The following CORIN variants were observed in gnomAD, a reference collection of about 807,000 sequenced individuals.
CORIN encodes the protein corin, serine peptidase, also known as atrial natriuretic peptide-converting enzyme.
CORIN carries 117 observed loss-of-function variants against 125.3 expected under a neutral mutation model. The observed-to-expected ratio is 0.93, with a 90% confidence interval of 0.80 to 1.09. The LOEUF is 1.09. Among genes scored for constraint, CORIN ranks in the 50% least tolerant of loss-of-function variants. The probability of loss-of-function intolerance (pLI) is 0.00; values close to 1 mark genes in which losing one functional copy is unlikely to be tolerated. For missense variants in CORIN, 1,253 were observed against 1,306.7 expected, an observed-to-expected ratio of 0.96 and a Z score of 0.63; for synonymous variants, 450 against 466.4, an observed-to-expected ratio of 0.96 and a Z score of 0.45.
At chr4:47,682,433 C>T (rs1725330736) in intron 7 of CORIN, 1 of 111,276 alleles carries the variant, frequency 9.0e-6, no homozygotes. Flanking sequence ...TGGAGCAAGA[C>T]TCCATCTCAA....
intron 4 of CORIN, among the ~76,000 whole-genome samples, chr4:47,760,524 T>C (rs1729399206): frequency 1.3e-5 from 2 of 152,208 alleles, no homozygotes. Flanking sequence ...AGTAAACAGG[T>C]GTGCTGTCAT....
At chr4:47,818,906 A>G (rs1732388521) in intron 1 of CORIN, among the ~76,000 whole-genome samples, 1 of 151,972 alleles carries the variant, frequency 6.6e-6, no homozygotes, top group South Asian at 2.1e-4. Flanking sequence ...AGATTGGACA[A>G]CTATGCCAAG....
intron 10 of CORIN, among the ~76,000 whole-genome samples, chr4:47,672,441 A>G (rs1377436884): frequency 2.0e-5 from 3 of 152,194 alleles, no homozygotes; most frequent in Admixed American, 2.0e-4. Flanking sequence ...GTCTAATAGT[A>G]AGTGTCATTC....
Position 47,598,350 on chromosome 4 carries a change from G to GA in CORIN, c.2946+1863dup, listed in dbSNP as rs778356652. ...GTTTTCTACCTGAAGTTGTGTTAGA[G>GA]AATATCTGGTATGCATTTAGTATAC... On this transcript the variant is annotated intron_variant, in intron 21 of 21. Coordinates refer to ENST00000273857, the MANE Select transcript of CORIN (RefSeq NM_006587.4). Among the ~76,000 whole-genome samples the GA allele has an allele frequency of 5.3e-5, 8 of 152,118 alleles. No homozygotes were observed. In the East Asian group the frequency reaches 1.5e-3, roughly 29 times the overall value.
chr4:47,671,878 C>T (rs1158607329), intron 10 of CORIN, among the ~76,000 whole-genome samples: 6 of 152,160 alleles, frequency 3.9e-5, no homozygotes, highest in Non-Finnish European at 7.3e-5. Context: ...CGTGAGCCAC[C>T]GCGCCCGGCC....
intron 16 of CORIN, among the ~76,000 whole-genome samples, chr4:47,638,682 C>T (rs766173149): frequency 1.3e-5 from 2 of 152,184 alleles, no homozygotes; most frequent in Admixed American, 6.5e-5. Context: ...CTCTGTGGAA[C>T]TGTAAGTCCA....
chr4:47,830,249 G>A (rs1008804618), intron 1 of CORIN, among the ~76,000 whole-genome samples: 4 of 151,674 alleles, frequency 2.6e-5, no homozygotes, highest in African/African-American at 7.3e-5. Flanking sequence ...TTTCAGAGCT[G>A]GAACAGGCTC....
intron 19 of CORIN, among the ~76,000 whole-genome samples, chr4:47,621,727 A>G (rs545615246): frequency 3.3e-5 from 5 of 151,760 alleles, no homozygotes; most frequent in Non-Finnish European, 5.9e-5. Context: ...TTGGCCAAAC[A>G]TTATTCTATA....
In CORIN at chr4:47,687,878, T is replaced by C. The variant is rs563130497; in HGVS notation, c.914-4040A>G. On this transcript the variant is annotated intron_variant, in intron 6 of 21. Coordinates refer to ENST00000273857, the MANE Select transcript of CORIN (RefSeq NM_006587.4). ...TCTTGACTCTCTGAGTTCTTTCTAC[T>C]ATTGGCTTCCAGCTCTAGAAAAGGG... Among the ~76,000 whole-genome samples the C allele has an allele frequency of 1.1e-3, 175 of 152,320 alleles. 3 individuals carry two copies. The highest frequency in any genetic ancestry group is 3.9e-3 in the African/African-American group (162 of 41,572).
intron 12 of CORIN, among the ~76,000 whole-genome samples, chr4:47,654,602 T>C (rs1174423118): frequency 1.3e-5 from 2 of 152,176 alleles, no homozygotes; most frequent in Non-Finnish European, 2.9e-5. Flanking sequence ...CCAGTGCCCA[T>C]GCATGGAGGG....
chr4:47,716,456 A>G (rs1468823555), intron 5 of CORIN, among the ~76,000 whole-genome samples: 1 of 152,234 alleles, frequency 6.6e-6, no homozygotes, highest in African/African-American at 2.4e-5. Context: ...TGATGGTGTT[A>G]GCAAAAAACC....
chr4:47,681,088 G>A (rs1251378220), intron 7 of CORIN: 1 of 152,352 alleles, frequency 6.6e-6, no homozygotes, highest in East Asian at 1.9e-4. Context: ...GCCATGAGAG[G>A]TGGTATACCC....
chr4:47,836,664 C>T (rs1577967479), intron 1 of CORIN, among the ~76,000 whole-genome samples: 1 of 152,216 alleles, frequency 6.6e-6, no homozygotes, highest in East Asian at 1.9e-4. Flanking sequence ...GAACAGCTTC[C>T]CTGGGAATGC....
chr4:47,775,173 G>A (rs1659793843), intron 3 of CORIN, among the ~76,000 whole-genome samples: 1 of 152,066 alleles, frequency 6.6e-6, no homozygotes, highest in Non-Finnish European at 1.5e-5. Context: ...TGACTGGCAT[G>A]CTTTTTTGTT....
At chr4:47,826,140 C>G (rs927276872) in intron 1 of CORIN, among the ~76,000 whole-genome samples, 4 of 152,148 alleles carry the variant, frequency 2.6e-5, no homozygotes, top group Non-Finnish European at 4.4e-5. Context: ...AAGAAATAGA[C>G]CCCAGCGCTA....
chr4:47,671,881 G>A (rs1309008522), intron 10 of CORIN, among the ~76,000 whole-genome samples: 2 of 152,120 alleles, frequency 1.3e-5, no homozygotes, highest in Non-Finnish European at 2.9e-5. Context: ...GAGCCACCGC[G>A]CCCGGCCTAT....
chr4:47,624,048 C>A, intron 17 of CORIN, 100 bp from the exon 18 acceptor site: 1 of 911,708 alleles, frequency 1.1e-6, no homozygotes, highest in South Asian at 1.5e-5. Flanking sequence ...CAACTGTTAC[C>A]ACCAGAAATC....
Position 47,674,623 on chromosome 4 carries a change from T to G in CORIN, c.1250-123A>C, listed in dbSNP as rs1243292316. 2.5e-5 allele frequency: 17 copies of G among 673,286 alleles called. No individual in the cohort carries two copies. In the East Asian group the frequency reaches 4.4e-4, roughly 18 times the overall value. The allele number at this position is 673,286 out of a possible 1,614,324, so 41.7% of individuals were successfully genotyped here. A position where few individuals can be genotyped will look rare whatever the true frequency, so the allele number is the denominator to read the frequency against. ...ACACAACTTTAATTTCCTTCCAATT[T>G]CTCCAAAAGTATTGAACGTACGTTG... On this transcript the variant is annotated intron_variant, in intron 9 of 21. Coordinates refer to ENST00000273857, the MANE Select transcript of CORIN (RefSeq NM_006587.4).
At chr4:47,728,330 A>G (rs1308562762) in intron 5 of CORIN, among the ~76,000 whole-genome samples, 2 of 152,196 alleles carry the variant, frequency 1.3e-5, no homozygotes, top group East Asian at 3.8e-4. Context: ...TTCACCTAAA[A>G]GACATAGATA....
Sources: gnomAD v4.1 joint callset for allele counts (sites outside exome capture counted in the v4.1 genomes callset) on GRCh38, gnomAD v4.1.1 for gene constraint, MANE v1.5 for transcripts, NCBI Gene and HGNC (gene_info 2026-07-23, HGNC 2026-07-21) for gene names.